Variants in IMPG1 observed in about 807,000 individuals in gnomAD.
The protein encoded by IMPG1 is interphotoreceptor matrix proteoglycan 1, also known as interphotoreceptor matrix proteoglycan of 150 kDa.
Under a neutral mutation model 92.0 loss-of-function variants are expected in IMPG1, and 85 were observed. That is an observed-to-expected ratio of 0.92 (90% CI 0.78 to 1.11). IMPG1 has a LOEUF of 1.11. Among genes scored for constraint, IMPG1 ranks in the 50% least tolerant of loss-of-function variants. The probability of loss-of-function intolerance (pLI) is 0.00; values close to 1 mark genes in which losing one functional copy is unlikely to be tolerated. For missense variants in IMPG1, 1,022 were observed against 956.0 expected, an observed-to-expected ratio of 1.07 and a Z score of -0.91; for synonymous variants, 367 against 334.1, an observed-to-expected ratio of 1.10 and a Z score of -1.08.
Position 75,947,536 on chromosome 6 carries a change from G to T in IMPG1, c.1825-3C>A. 6.2e-7 allele frequency: 1 copy of T among 1,605,922 alleles called. No individual in the cohort carries two copies. Among genetic ancestry groups the T allele is most frequent in the Admixed American group, 1.7e-5 (1 of 59,690 alleles). On this transcript the variant is annotated splice_polypyrimidine_tract_variant and splice_region_variant and intron_variant, in intron 13 of 16. Transcript: ENST00000369950. Reference sequence around the variant, plus strand: ...TTGGATCGTAGATATGGAACCAGCTGCAAAATAAAAGATGGTTTCCTCTTA... The same window carrying T: ...TTGGATCGTAGATATGGAACCAGCTTCAAAATAAAAGATGGTTTCCTCTTA...
At chr6:75,968,510 T>A (rs9343342) in intron 12 of IMPG1, among the ~76,000 whole-genome samples, 61,028 of 151,810 alleles carry the variant, frequency 0.4, 13,091 homozygotes, top group East Asian at 0.59. Context: ...AAATACCTCT[T>A]TCTTTTTAGA....
At chr6:75,967,450 C>T (rs1264203678) in intron 12 of IMPG1, among the ~76,000 whole-genome samples, 3 of 152,072 alleles carry the variant, frequency 2.0e-5, no homozygotes, top group Admixed American at 6.5e-5. Flanking sequence ...TAAAAAGGTG[C>T]CGTCTGTGAG....
chr6:75,932,731 G>A (rs1250718972), intron 14 of IMPG1, among the ~76,000 whole-genome samples: 1 of 151,486 alleles, frequency 6.6e-6, no homozygotes, highest in Non-Finnish European at 1.5e-5. Context: ...ATGGAGTCTC[G>A]CTCTTATTCC....
At chr6:76,017,916 C>A (rs561989561) in intron 7 of IMPG1, among the ~76,000 whole-genome samples, 2 of 152,238 alleles carry the variant, frequency 1.3e-5, no homozygotes, top group African/African-American at 4.8e-5. Context: ...CCACACCCAG[C>A]TAATTTTTGT....
intron 1 of IMPG1, among the ~76,000 whole-genome samples, chr6:76,065,969 A>G (rs561756316): frequency 2.0e-5 from 3 of 152,252 alleles, no homozygotes; most frequent in East Asian, 3.9e-4. Flanking sequence ...TTGTACCCTG[A>G]AAAACTAAGT....
chr6:75,944,311 A>G (rs1156897165), intron 14 of IMPG1, among the ~76,000 whole-genome samples: 1 of 152,190 alleles, frequency 6.6e-6, no homozygotes, highest in East Asian at 1.9e-4. Context: ...GCGGTTTAGC[A>G]CAGTGGCTTC....
At chr6:75,978,882 T>G (rs896874822) in intron 12 of IMPG1, among the ~76,000 whole-genome samples, 1 of 152,284 alleles carries the variant, frequency 6.6e-6, no homozygotes, top group South Asian at 2.1e-4. Context: ...GGTCTGCAGA[T>G]AGACAAACTG....
intron 1 of IMPG1, among the ~76,000 whole-genome samples, chr6:76,064,018 C>T (rs770301055): frequency 1.3e-5 from 2 of 152,176 alleles, no homozygotes; most frequent in African/African-American, 2.4e-5. Context: ...AGCCTCAGTG[C>T]TGAGGCACAG....
At chr6:75,951,891 G>A (rs9359152) in intron 12 of IMPG1, among the ~76,000 whole-genome samples, 56,553 of 151,742 alleles carry the variant, frequency 0.37, 10,956 homozygotes, top group East Asian at 0.6. Flanking sequence ...GCAGTGAGCC[G>A]AGATCATGCC....
chr6:75,964,722 TAGAG>T (rs1582070912), intron 12 of IMPG1, among the ~76,000 whole-genome samples: 1 of 142,664 alleles, frequency 7.0e-6, no homozygotes, highest in East Asian at 2.1e-4. Flanking sequence ...AAAAATAATA[TAGAG>T]AGAATTTGCA....
intron 12 of IMPG1, among the ~76,000 whole-genome samples, chr6:75,996,130 T>C (rs1421953805): frequency 2.0e-5 from 3 of 152,214 alleles, no homozygotes; most frequent in Non-Finnish European, 2.9e-5. Context: ...AATTCACCTG[T>C]GATGGAACGG....
intron 5 of IMPG1, among the ~76,000 whole-genome samples, chr6:76,023,435 T>C (rs1465051938): frequency 1.3e-5 from 2 of 152,230 alleles, no homozygotes; most frequent in Non-Finnish European, 2.9e-5. Context: ...TATCCTTCCA[T>C]TTTATTGCCT....
intron 12 of IMPG1, among the ~76,000 whole-genome samples, chr6:75,989,689 A>G (rs1782783083): frequency 1.3e-5 from 2 of 152,124 alleles, no homozygotes; most frequent in African/African-American, 4.8e-5. Context: ...CTAAAAATAC[A>G]AAAATGAGCT....
intron 12 of IMPG1, among the ~76,000 whole-genome samples, chr6:75,952,206 A>G (rs577153821): frequency 6.6e-6 from 1 of 152,344 alleles, no homozygotes; most frequent in South Asian, 2.1e-4. Context: ...ATGATATTTA[A>G]GGCATTAAGT....
chr6:75,965,379 T>A (rs80239579), intron 12 of IMPG1, among the ~76,000 whole-genome samples: 4 of 144,872 alleles, frequency 2.8e-5, no homozygotes, highest in African/African-American at 7.8e-5. Flanking sequence ...TTTTTTTTTT[T>A]AATTTTAGCT....
chr6:75,950,764 G>C lies in IMPG1; in HGVS notation c.1622C>G (p.Ser541Cys). The C allele has an allele frequency of 6.2e-7, 1 of 1,613,948 alleles. No individual in the cohort carries two copies. ...ATCCTCCAAGAAATGATCTGGGACA[G>C]AAACATATTCGCTGAGCTCTGGTAC... is the stretch of plus-strand genomic sequence containing the variant. Reference protein sequence around the residue: ...SEVPELSEYVSVPDHFLEDTT... With the variant: ...SEVPELSEYVCVPDHFLEDTT... Residue 541 changes from serine (S) to cysteine (C), a missense_variant, in exon 13 of 17, where the codon TCT becomes TGT. Ser to Cys is a moderately radical substitution (Grantham distance 112, BLOSUM62 -1). Coordinates refer to ENST00000369950, the MANE Select transcript of IMPG1 (RefSeq NM_001563.4).
intron 8 of IMPG1, among the ~76,000 whole-genome samples, chr6:76,009,905 T>C (rs1783155005): frequency 6.6e-6 from 1 of 152,260 alleles, no homozygotes; most frequent in Non-Finnish European, 1.5e-5. Context: ...AATTTGTTCT[T>C]CCACTGCAGT....
chr6:75,999,597 A>G (rs1314919904), intron 12 of IMPG1, among the ~76,000 whole-genome samples: 1 of 152,108 alleles, frequency 6.6e-6, no homozygotes, highest in African/African-American at 2.4e-5. Context: ...TCCGTTTTCC[A>G]TGTATAACTG....
intron 1 of IMPG1, 81 bp downstream of exon 1, chr6:76,072,341 G>A (rs1784414718): frequency 9.5e-6 from 7 of 734,462 alleles, no homozygotes; most frequent in African/African-American, 1.8e-5. Flanking sequence ...TCAATTGGTA[G>A]CCTTGTTGGT....
Sources: gnomAD v4.1 joint callset for allele counts (sites outside exome capture counted in the v4.1 genomes callset) on GRCh38, gnomAD v4.1.1 for gene constraint, MANE v1.5 for transcripts, NCBI Gene and HGNC (gene_info 2026-07-23, HGNC 2026-07-21) for gene names.